Variants in CCNH observed in about 807,000 individuals in gnomAD.
CCNH encodes the protein cyclin H, also known as cyclin-H.
Under a neutral mutation model 41.9 loss-of-function variants are expected in CCNH, and 31 were observed. The ratio of observed to expected loss-of-function variants is 0.74; its 90% confidence interval spans 0.56 to 1.00. CCNH has a LOEUF of 1.00. Ranked by LOEUF, CCNH falls within the 50% of genes least tolerant of loss-of-function variation. CCNH has a pLI of 0.00. For synonymous variants in CCNH, 138 were observed against 136.1 expected (o/e 1.01, Z -0.10); for missense variants, 362 against 388.4 (o/e 0.93, Z 0.57).
chr5:87,337,206 A>G (rs1434609688), intron 9 of CCNH, among the ~76,000 whole-genome samples: 1 of 152,132 alleles, frequency 6.6e-6, no homozygotes, highest in Non-Finnish European at 1.5e-5. Context: ...ATGGTTTTAT[A>G]TTGATGAAAT....
intron 9 of CCNH, among the ~76,000 whole-genome samples, chr5:87,358,694 C>T (rs1759842280): frequency 6.6e-6 from 1 of 152,194 alleles, no homozygotes; most frequent in South Asian, 2.1e-4. Context: ...AGCCAAAGTC[C>T]TTAGAATGGC....
At chr5:87,353,298 T>C (rs1480679121) in intron 9 of CCNH, 4 of 1,308,062 alleles carry the variant, frequency 3.1e-6, no homozygotes, top group Non-Finnish European at 4.4e-6. Context: ...TTTGGTGGTA[T>C]GTTTTTGCAC....
chr5:87,404,041 A>C (rs886647855), intron 5 of CCNH, among the ~76,000 whole-genome samples: 1 of 152,248 alleles, frequency 6.6e-6, no homozygotes, highest in Non-Finnish European at 1.5e-5. Context: ...GAGAACAGGC[A>C]TATCATAAAT....
At chr5:87,372,412 A>G (rs1335666381), downstream of CCNH, among the ~76,000 whole-genome samples, 1 of 152,154 alleles carries the variant, frequency 6.6e-6, no homozygotes, top group Non-Finnish European at 1.5e-5. Flanking sequence ...TTATTCTTCC[A>G]CTTTAAATAA....
At chr5:87,320,539 CAGG>C (rs1756712184) in intron 9 of CCNH, among the ~76,000 whole-genome samples, 2 of 152,136 alleles carry the variant, frequency 1.3e-5, no homozygotes, top group Non-Finnish European at 2.9e-5. Context: ...CACATGGTGA[CAGG>C]AGACAGAGAG....
intron 5 of CCNH, 132 bp from the exon 6 acceptor site, chr5:87,401,904 G>A: frequency 5.7e-6 from 3 of 525,988 alleles, no homozygotes; most frequent in South Asian, 3.0e-5. Flanking sequence ...TGTATAATCT[G>A]TAACTCCTAT....
chr5:87,390,685 G>A, downstream of CCNH: 1 of 800,968 alleles, frequency 1.2e-6, no homozygotes, highest in African/African-American at 1.7e-5. Flanking sequence ...GGGGAATTGT[G>A]GTAATATTTT....
At chr5:87,387,016 A>G, downstream of CCNH, 1 of 990,600 alleles carries the variant, frequency 1.0e-6, no homozygotes, top group Non-Finnish European at 1.5e-6. Flanking sequence ...TAAAAAGACA[A>G]AAAGCCTGCA....
rs3093803 is a variant in CCNH, at chr5:87,405,764, T to C, written c.526-757A>G. Among the ~76,000 whole-genome samples the C allele has an allele frequency of 3.9e-3, 601 of 152,228 alleles. 2 individuals carry two copies. The highest frequency in any genetic ancestry group is 6.4e-3 in the Non-Finnish European group (435 of 68,002). On this transcript the variant is annotated intron_variant, in intron 4 of 8. Transcript: ENST00000256897. ...TACTTGCTCCCACTCACCAGTGTCC[T>C]CTGGTCCTCATTTCTCTCCTGAATT...
chr5:87,397,185 CAG>C (rs372398589), intron 7 of CCNH, among the ~76,000 whole-genome samples: 101 of 149,884 alleles, frequency 6.7e-4, no homozygotes, highest in African/African-American at 2.1e-3. Flanking sequence ...TTTTTTGAGA[CAG>C]AGTCTTGCTC....
chr5:87,323,878 C>T (rs959799086), intron 9 of CCNH, among the ~76,000 whole-genome samples: 1 of 152,116 alleles, frequency 6.6e-6, no homozygotes, highest in Non-Finnish European at 1.5e-5. Flanking sequence ...AAGACTGAGA[C>T]AGGTATTTTT....
At chr5:87,381,602 A>T (rs182246680), upstream of CCNH, among the ~76,000 whole-genome samples, 19 of 152,268 alleles carry the variant, frequency 1.2e-4, no homozygotes, top group African/African-American at 4.3e-4. Flanking sequence ...GGGGCAGGTA[A>T]TATTTCTCTT....
chr5:87,330,019 C>T (rs1330693228), intron 9 of CCNH, among the ~76,000 whole-genome samples: 1 of 152,036 alleles, frequency 6.6e-6, no homozygotes. Context: ...TAGAGGAATG[C>T]AGTATTGATT....
chr5:87,389,216 A>G, downstream of CCNH: 1 of 637,720 alleles, frequency 1.6e-6, no homozygotes, highest in Non-Finnish European at 2.6e-6. Context: ...CTGTAATCCC[A>G]GCTACTTGGG....
chr5:87,385,415 T>G lies in CCNH; in HGVS notation c.*90+7355A>C, dbSNP rs781390177. On this transcript the variant is annotated intron_variant and NMD_transcript_variant, in intron 9 of 9. Transcript: ENST00000645953. ...GTAAAAACATTTTGATACTTTAAAA[T>G]GTAATTTATGAATGCAAGTTTGACA... The G allele has an allele frequency of 6.6e-7, 1 of 1,510,072 alleles. No individual in the cohort carries two copies. The highest frequency in any genetic ancestry group is 2.3e-5 in the East Asian group (1 of 44,154). 93.5% of individuals were successfully genotyped at this position (1,510,072 alleles called of 1,614,324 possible).
At chr5:87,387,118 C>T (rs1762115780), downstream of CCNH, among the ~76,000 whole-genome samples, 1 of 152,096 alleles carries the variant, frequency 6.6e-6, no homozygotes, top group Non-Finnish European at 1.5e-5. Flanking sequence ...CCAAAGCATA[C>T]ATTATTGTGG....
At chr5:87,363,037 G>T (rs368686106) in intron 9 of CCNH, among the ~76,000 whole-genome samples, 4 of 151,748 alleles carry the variant, frequency 2.6e-5, no homozygotes, top group South Asian at 2.1e-4. Context: ...TAAAGTGGAA[G>T]AATTTTTTCC....
intron 9 of CCNH, among the ~76,000 whole-genome samples, chr5:87,348,395 A>G (rs1759015052): frequency 6.6e-6 from 1 of 152,012 alleles, no homozygotes; most frequent in African/African-American, 2.4e-5. Context: ...AAATGGAGAA[A>G]AGGCAGAGCA....
At chr5:87,382,767 T>C (rs1214716757) in intron 9 of CCNH, among the ~76,000 whole-genome samples, 1 of 152,162 alleles carries the variant, frequency 6.6e-6, no homozygotes, top group African/African-American at 2.4e-5. Context: ...TTTAAAACTT[T>C]AGAATTCCTA....
Sources: gnomAD v4.1 joint callset for allele counts (sites outside exome capture counted in the v4.1 genomes callset) on GRCh38, gnomAD v4.1.1 for gene constraint, MANE v1.5 for transcripts, NCBI Gene and HGNC (gene_info 2026-07-23, HGNC 2026-07-21) for gene names.